Variants in MID1 observed in about 807,000 individuals in gnomAD.
The protein encoded by MID1 is midline 1.
MID1 carries 7 observed loss-of-function variants against 40.4 expected under a neutral mutation model. The observed-to-expected ratio is 0.17, with a 90% CI of 0.10 to 0.33. The LOEUF is 0.33. Ranked by LOEUF, MID1 falls within the 10% of genes least tolerant of loss-of-function variation. The pLI is 1.00. For synonymous variants in MID1, 229 were observed against 221.2 expected, an observed-to-expected ratio of 1.04 and a Z score of -0.31; for missense variants, 367 against 558.5, an observed-to-expected ratio of 0.66 and a Z score of 3.46.
At chrX:10,541,343 T>C (rs1380562732) in intron 2 of MID1, among the ~76,000 whole-genome samples, 1 of 108,088 alleles carries the variant, frequency 9.3e-6, no homozygotes, top group African/African-American at 3.3e-5. Context: ...CCCCCTGCCC[T>C]CCCACCACCC....
chrX:10,554,523 A>G (rs963007543), intron 2 of MID1, among the ~76,000 whole-genome samples: 4 of 112,012 alleles, frequency 3.6e-5, no homozygotes, highest in Non-Finnish European at 7.5e-5. Flanking sequence ...ATATTTGTAC[A>G]TATTTATGGG....
chrX:10,495,519 G>A (rs1398601561), intron 4 of MID1, 65 bp downstream of exon 4: 3 of 827,512 alleles, frequency 3.6e-6, no homozygotes, highest in East Asian at 6.3e-5. Flanking sequence ...CAAAGTCCCT[G>A]GAGTGTATTA....
At chrX:10,671,918 A>G (rs2042989215) in intron 1 of MID1, among the ~76,000 whole-genome samples, 1 of 111,336 alleles carries the variant, frequency 9.0e-6, no homozygotes, top group African/African-American at 3.3e-5. Flanking sequence ...ATAAATACAT[A>G]TCAAGTTAAT....
intron 1 of MID1, among the ~76,000 whole-genome samples, chrX:10,617,230 G>A (rs1218691126): frequency 9.0e-6 from 1 of 111,691 alleles, no homozygotes; most frequent in African/African-American, 3.3e-5. Context: ...CTCTGCCTTC[G>A]TCTCACCATT....
chrX:10,609,883 A>G (rs992520030), intron 1 of MID1, among the ~76,000 whole-genome samples: 49 of 109,838 alleles, frequency 4.5e-4, no homozygotes, highest in Non-Finnish European at 8.0e-4. Context: ...ATGCCCGGCT[A>G]ATTTTTTTGT....
At chrX:10,780,302 G>A (rs2043836965) in intron 1 of MID1, among the ~76,000 whole-genome samples, 1 of 111,474 alleles carries the variant, frequency 9.0e-6, no homozygotes, top group Non-Finnish European at 1.9e-5. Context: ...CATAACATGA[G>A]CCCAGCTCCT....
chrX:10,641,905 A>C (rs185225195), intron 1 of MID1, among the ~76,000 whole-genome samples: 1 of 112,137 alleles, frequency 8.9e-6, no homozygotes, highest in Admixed American at 9.5e-5. Flanking sequence ...AACAGAACCA[A>C]AGACAAAAAC....
chrX:10,641,695 C>A (rs1168138966), intron 1 of MID1, among the ~76,000 whole-genome samples: 3 of 111,703 alleles, frequency 2.7e-5, no homozygotes, highest in Non-Finnish European at 5.6e-5. Flanking sequence ...ATACCAAAGC[C>A]TGGCAGAGAC....
intron 1 of MID1, among the ~76,000 whole-genome samples, chrX:10,695,871 A>G (rs1438182765): frequency 8.9e-6 from 1 of 111,885 alleles, no homozygotes; most frequent in Non-Finnish European, 1.9e-5. Context: ...ACACAGTATG[A>G]AAAAAAGCAA....
At chrX:10,470,620 CAT>C (rs1010900629) in intron 6 of MID1, among the ~76,000 whole-genome samples, 2 of 112,234 alleles carry the variant, frequency 1.8e-5, no homozygotes, top group Admixed American at 9.4e-5. Flanking sequence ...GACCATGATT[CAT>C]AGTCAATCAT....
At chrX:10,533,122 T>C (rs1933043150) in intron 2 of MID1, among the ~76,000 whole-genome samples, 1 of 109,734 alleles carries the variant, frequency 9.1e-6, no homozygotes, top group African/African-American at 3.3e-5. Context: ...GAATAACATT[T>C]TATGACACAT....
At chrX:10,825,615 G>A (rs1360107234) in intron 1 of MID1, among the ~76,000 whole-genome samples, 1 of 111,595 alleles carries the variant, frequency 9.0e-6, no homozygotes, top group Non-Finnish European at 1.9e-5. Flanking sequence ...GCTGAGAAAA[G>A]CAATGTAGCT....
rs138078131 is a variant in MID1, at chrX:10,700,490, C to T, written c.-186-80071G>A. On this transcript the variant is annotated intron_variant, in intron 1 of 10. Coordinates refer to the MID1 transcript ENST00000380785. ...TCACCTGAGCTCTGGGAGGTTGAGGCTACAGTGAGCTATCATGGCACCATT... is the reference window on the plus strand; with the variant it reads ...TCACCTGAGCTCTGGGAGGTTGAGGTTACAGTGAGCTATCATGGCACCATT... 3.6e-4 allele frequency among the ~76,000 whole-genome samples: 40 copies of T among 111,202 alleles called. 1 individual carries two copies. The East Asian group carries it at 0.011, about 29-fold the overall frequency.
rs778434207 is a variant in MID1 at position 10,489,696 on chromosome X, G to GTT, written c.864+5886_864+5887dup. The stretch of plus-strand genomic sequence containing the variant: ...CTCCAACTTTGTTATTATTTTCAAA[G>GTT]TTTTTTTTTTTTTTTTTGAGACAGA... On this transcript the variant is annotated intron_variant, in intron 4 of 9. Transcript: ENST00000317552. 2.8e-4 allele frequency among the ~76,000 whole-genome samples: 27 copies of GTT among 95,473 alleles called. 1 individual carries two copies. Among genetic ancestry groups the GTT allele is most frequent in the Non-Finnish European group, 3.8e-4 (18 of 47,615 alleles). 82.9% of individuals were successfully genotyped at this position (95,473 alleles called of 115,157 possible). A position where few individuals can be genotyped will look rare whatever the true frequency, so the allele number is the denominator to read the frequency against.
chrX:10,651,753 G>A (rs373182172), intron 1 of MID1, among the ~76,000 whole-genome samples: 1 of 111,967 alleles, frequency 8.9e-6, no homozygotes, highest in African/African-American at 3.3e-5. Flanking sequence ...AGCCTCCTGA[G>A]TAGCTGGGGC....
intron 1 of MID1, among the ~76,000 whole-genome samples, chrX:10,597,168 A>G (rs1375334078): frequency 1.8e-5 from 2 of 111,712 alleles, no homozygotes; most frequent in Admixed American, 9.6e-5. Flanking sequence ...CCCAAAGAGC[A>G]AAACACCTAT....
At chrX:10,714,692 T>A (rs759116002) in intron 1 of MID1, among the ~76,000 whole-genome samples, 86 of 112,454 alleles carry the variant, frequency 7.6e-4, no homozygotes, top group African/African-American at 2.5e-3. Context: ...ATGCCAATTG[T>A]CTCATTTGAT....
intron 5 of MID1, among the ~76,000 whole-genome samples, chrX:10,481,742 G>A (rs747941999): frequency 3.9e-4 from 44 of 112,367 alleles, no homozygotes; most frequent in African/African-American, 1.2e-3. Context: ...CACCGTGCCC[G>A]GCTAGTGCTT....
At chrX:10,512,705 G>T (rs778071295) in intron 3 of MID1, among the ~76,000 whole-genome samples, 1 of 111,996 alleles carries the variant, frequency 8.9e-6, no homozygotes, top group Non-Finnish European at 1.9e-5. Flanking sequence ...TTGACAGAAG[G>T]CTTCCTTGAA....
Sources: gnomAD v4.1 joint callset for allele counts (sites outside exome capture counted in the v4.1 genomes callset) on GRCh38, gnomAD v4.1.1 for gene constraint, MANE v1.5 for transcripts, NCBI Gene and HGNC (gene_info 2026-07-23, HGNC 2026-07-21) for gene names.